Variants in CTNND2 observed in about 807,000 individuals in gnomAD.
The protein encoded by CTNND2 is catenin delta-2.
CTNND2 carries 22 observed loss-of-function variants against 144.4 expected under a neutral mutation model. That is an observed-to-expected ratio of 0.15 (90% CI 0.11 to 0.22). The LOEUF (loss-of-function observed/expected upper bound fraction) is 0.22. Ranked by LOEUF, CTNND2 falls within the 10% of genes least tolerant of loss-of-function variation. CTNND2 has a pLI of 1.00. For missense variants in CTNND2, 1,353 were observed against 1,618.8 expected, an observed-to-expected ratio of 0.84 and a Z score of 2.82; for synonymous variants, 751 against 695.6, an observed-to-expected ratio of 1.08 and a Z score of -1.25.
chr5:11,392,159 C>G (rs2149809702), intron 6 of CTNND2, among the ~76,000 whole-genome samples: 1 of 152,260 alleles, frequency 6.6e-6, no homozygotes, highest in South Asian at 2.1e-4. Flanking sequence ...TCATTTTCCC[C>G]AGGTCTCTAA....
intron 11 of CTNND2, among the ~76,000 whole-genome samples, chr5:11,190,843 G>A (rs1182179448): frequency 2.0e-5 from 3 of 152,134 alleles, no homozygotes; most frequent in African/African-American, 7.2e-5. Flanking sequence ...AGAAGAGAAT[G>A]GTAGAAAAGC....
rs1405231979 is a variant in CTNND2, at chr5:11,381,792, C to T, written c.1177+2873G>A. 3.9e-5 allele frequency among the ~76,000 whole-genome samples: 6 copies of T among 152,004 alleles called. No homozygotes were observed. In the East Asian group the frequency reaches 1.2e-3, roughly 29 times the overall value. Reference sequence around the variant, plus strand: ...ACCATCCTGGCTAACACGGTGAAACCCCGTCTCTACTAAAAATACAAAAAA... The same window carrying T: ...ACCATCCTGGCTAACACGGTGAAACTCCGTCTCTACTAAAAATACAAAAAA... On this transcript the variant is annotated intron_variant, in intron 7 of 21. Transcript: ENST00000304623.
chr5:11,768,974 G>A (rs913208931), intron 1 of CTNND2, among the ~76,000 whole-genome samples: 1 of 152,190 alleles, frequency 6.6e-6, no homozygotes, highest in African/African-American at 2.4e-5. Context: ...GGGGAAAGAA[G>A]ATAGTTTTTG....
chr5:10,978,499 G>GA (rs1736787421), intron 21 of CTNND2, among the ~76,000 whole-genome samples: 1 of 136,224 alleles, frequency 7.3e-6, no homozygotes, highest in Admixed American at 7.0e-5. Context: ...ACTTTTTGGG[G>GA]AGGGGGGGGA....
chr5:11,334,299 C>G (rs1458410332), intron 9 of CTNND2, among the ~76,000 whole-genome samples: 1 of 152,172 alleles, frequency 6.6e-6, no homozygotes, highest in Non-Finnish European at 1.5e-5. Context: ...ATAGAAACAT[C>G]ACACTGTAAC....
At chr5:11,766,864 T>C (rs1365460863) in intron 1 of CTNND2, among the ~76,000 whole-genome samples, 1 of 152,162 alleles carries the variant, frequency 6.6e-6, no homozygotes, top group African/African-American at 2.4e-5. Flanking sequence ...AGGGCAATAT[T>C]TCTAAGTCAG....
At chr5:11,890,397 G>T (rs1478212782) in intron 1 of CTNND2, among the ~76,000 whole-genome samples, 3 of 152,102 alleles carry the variant, frequency 2.0e-5, no homozygotes, top group African/African-American at 7.2e-5. Flanking sequence ...GACCAGAGAG[G>T]CAAAAAGCAC....
intron 10 of CTNND2, among the ~76,000 whole-genome samples, chr5:11,210,597 T>C (rs942461746): frequency 6.6e-6 from 1 of 152,198 alleles, no homozygotes; most frequent in Non-Finnish European, 1.5e-5. Context: ...TATTTATTTG[T>C]ATGTGGCAAA....
rs751369648 is a variant in CTNND2 at position 11,159,654 on chromosome 5, T to C, written c.2081A>G (p.Glu694Gly). Residue 694 changes from glutamate (E) to glycine (G), a missense_variant, in exon 12 of 22, where the codon GAA (glutamate) becomes GGA (glycine). Physicochemically the swap from Glu to Gly is moderately conservative, Grantham distance 98. Transcript: ENST00000304623. ...NAVIIPHSGW[E>G]NSPLQDDRKI... is the part of the protein sequence containing the mutation. ...CCGATCATCCTGAAGAGGCGAATTT[T>C]CCCAGCCTGAGTGGGGGATAATCAC... 6.2e-6 allele frequency: 10 copies of C among 1,613,706 alleles called. No homozygotes were observed.
Position 10,992,209 on chromosome 5 carries a change from C to A in CTNND2, c.3211+342G>T, listed in dbSNP as rs531229853. 2.6e-5 allele frequency among the ~76,000 whole-genome samples: 4 copies of A among 152,344 alleles called. No individual in the cohort carries two copies. The East Asian group carries it at 7.7e-4, about 29-fold the overall frequency. On this transcript the variant is annotated intron_variant, in intron 19 of 21. Coordinates refer to ENST00000304623, the MANE Select transcript of CTNND2 (RefSeq NM_001332.4). ...CTGGGATTACAGGCATGAGCCACCT[C>A]GCCAGGCCAACTCAAACTATTTTAA...
At position 11,170,857 on chromosome 5, in the gene CTNND2, C is replaced by T. The variant is rs557343426; in HGVS notation, c.1976-11098G>A. Among the ~76,000 whole-genome samples, 4 of 152,274 alleles carry T rather than the reference C, an allele frequency of 2.6e-5. 1 individual carries two copies. The South Asian group carries it at 8.3e-4, about 32-fold the overall frequency. On this transcript the variant is annotated intron_variant, in intron 11 of 21. Transcript: ENST00000304623. ...CACGTGGCTGAGGAGGCCTCACAAC[C>T]ATGGGAGAAGACGAAGGAGGAGCAA...
chr5:11,761,125 T>C lies in CTNND2; in HGVS notation c.38-28853A>G, dbSNP rs73743227. 7.2e-3 allele frequency among the ~76,000 whole-genome samples: 1,100 copies of C among 152,310 alleles called. 7 individuals are homozygous for C. The highest frequency in any genetic ancestry group is 0.025 in the African/African-American group (1,043 of 41,570). ...CGATACCGAGTGTTGAAGGGCTCTT[T>C]TGTTTCGCCTGGAATCTGCCTCTGC... is the stretch of plus-strand genomic sequence containing the variant. On this transcript the variant is annotated intron_variant, in intron 1 of 21. Transcript: ENST00000304623.
intron 2 of CTNND2, among the ~76,000 whole-genome samples, chr5:11,646,524 A>G (rs1419970141): frequency 6.6e-6 from 1 of 152,226 alleles, no homozygotes; most frequent in Non-Finnish European, 1.5e-5. Context: ...CCATCAGTGG[A>G]ACAATTCACA....
At chr5:11,249,019 A>G (rs1028931406) in intron 9 of CTNND2, among the ~76,000 whole-genome samples, 1 of 152,226 alleles carries the variant, frequency 6.6e-6, no homozygotes, top group Non-Finnish European at 1.5e-5. Context: ...TTGGCCTAAC[A>G]TTTGGTCGCT....
intron 11 of CTNND2, among the ~76,000 whole-genome samples, chr5:11,162,308 A>C (rs1205293279): frequency 6.6e-6 from 1 of 152,154 alleles, no homozygotes; most frequent in Non-Finnish European, 1.5e-5. Flanking sequence ...GAAAGGGAGG[A>C]AGGAAATCAA....
chr5:11,682,570 C>T (rs913922818), intron 2 of CTNND2, among the ~76,000 whole-genome samples: 2 of 152,236 alleles, frequency 1.3e-5, no homozygotes, highest in Admixed American at 6.5e-5. Context: ...TCTTTCTTAA[C>T]GGATTTTTGC....
chr5:11,181,127 G>C (rs979297472), intron 11 of CTNND2, among the ~76,000 whole-genome samples: 1 of 152,192 alleles, frequency 6.6e-6, no homozygotes, highest in Non-Finnish European at 1.5e-5. Context: ...GGAGCAGGGT[G>C]CAGTGGCGGG....
chr5:10,993,072 G>A (rs940980962), intron 18 of CTNND2, among the ~76,000 whole-genome samples: 5 of 152,234 alleles, frequency 3.3e-5, no homozygotes, highest in African/African-American at 1.2e-4. Flanking sequence ...TTTCCACAAG[G>A]GTTTACCCCT....
intron 1 of CTNND2, among the ~76,000 whole-genome samples, chr5:11,815,558 G>A (rs76254203): frequency 1.3e-5 from 2 of 151,618 alleles, no homozygotes; most frequent in Non-Finnish European, 1.5e-5. Context: ...ATCCCAAGGG[G>A]TTTTTTTTCT....
Sources: allele counts gnomAD v4.1 joint callset (sites outside exome capture counted in the v4.1 genomes callset), GRCh38; gene constraint gnomAD v4.1.1; transcripts MANE v1.5; gene names NCBI Gene and HGNC (gene_info 2026-07-23, HGNC 2026-07-21).